CFAP69: variants seen among roughly 807,000 people sequenced by gnomAD.
CFAP69 encodes the protein cilia- and flagella-associated protein 69.
Under a neutral mutation model 123.0 loss-of-function variants are expected in CFAP69, and 92 were observed. The observed-to-expected ratio is 0.75, with a 90% CI of 0.63 to 0.89. The LOEUF (loss-of-function observed/expected upper bound fraction) is 0.89, where lower values mean the gene tolerates loss of function less well. Among genes scored for constraint, CFAP69 ranks in the 40% least tolerant of loss-of-function variants. The pLI is 0.00. For missense variants in CFAP69, 1,067 were observed against 1,096.9 expected (o/e 0.97, Z 0.39); for synonymous variants, 380 against 364.3 (o/e 1.04, Z -0.49).
At chr7:90,296,003 G>T (rs17869453) in intron 15 of CFAP69, among the ~76,000 whole-genome samples, 4 of 152,004 alleles carry the variant, frequency 2.6e-5, no homozygotes, top group Non-Finnish European at 4.4e-5. Context: ...TGTTTTATCC[G>T]CAAAGCCTTA....
the CFAP69 span, chr7:90,319,161 G>C: frequency 5.3e-6 from 2 of 377,996 alleles, no homozygotes; most frequent in Non-Finnish European, 9.4e-6. Flanking sequence ...ATTTAAAATT[G>C]TAAGTCAGAG....
At chr7:90,258,594 T>C (rs1797933196) in intron 3 of CFAP69, among the ~76,000 whole-genome samples, 1 of 152,112 alleles carries the variant, frequency 6.6e-6, no homozygotes, top group South Asian at 2.1e-4. Context: ...CTAGTATAAT[T>C]TTCTCATCTC....
chr7:90,323,236 G>C, the CFAP69 span, among the ~76,000 whole-genome samples: 65 of 152,256 alleles, frequency 4.3e-4, no homozygotes, highest in African/African-American at 1.5e-3. Flanking sequence ...GGGTCTACTT[G>C]CTACATTCAA....
chr7:90,262,572 T>A (rs764936070), intron 4 of CFAP69, among the ~76,000 whole-genome samples: 2 of 152,148 alleles, frequency 1.3e-5, no homozygotes, highest in South Asian at 4.1e-4. Context: ...TCTTATTCTT[T>A]CTACTGTTGG....
chr7:90,269,398 A>G (rs1799635295), intron 6 of CFAP69, among the ~76,000 whole-genome samples: 1 of 152,172 alleles, frequency 6.6e-6, no homozygotes, highest in African/African-American at 2.4e-5. Context: ...GAGAGTGTCC[A>G]TATTGAGGTT....
intron 15 of CFAP69, among the ~76,000 whole-genome samples, chr7:90,289,707 C>T (rs144463573): frequency 6.6e-6 from 1 of 152,128 alleles, no homozygotes; most frequent in Non-Finnish European, 1.5e-5. Flanking sequence ...ACCCCATAGT[C>T]ATGAAGATCA....
At chr7:90,291,912 G>A (rs1181542157) in intron 15 of CFAP69, among the ~76,000 whole-genome samples, 2 of 152,112 alleles carry the variant, frequency 1.3e-5, no homozygotes, top group African/African-American at 4.8e-5. Flanking sequence ...TGTTTCTTCT[G>A]AGCAGCAGTC....
the CFAP69 span, among the ~76,000 whole-genome samples, chr7:90,322,881 G>T: frequency 1.3e-5 from 2 of 152,004 alleles, no homozygotes; most frequent in East Asian, 3.9e-4. Flanking sequence ...AAAAATAAGG[G>T]TAATTGACAG....
downstream of CFAP69, among the ~76,000 whole-genome samples, chr7:90,314,180 G>A (rs174057): frequency 0.9 from 136,787 of 152,248 alleles, 61,735 homozygotes; most frequent in East Asian, 1. Flanking sequence ...ATGACAACTC[G>A]GTGTAACGTG....
chr7:90,317,874 A>G, the CFAP69 span: 1 of 152,182 alleles, frequency 6.6e-6, no homozygotes, highest in South Asian at 2.1e-4. Context: ...AGAATCTGTC[A>G]TTGTAAGGAT....
intron 12 of CFAP69, 38 bp downstream of exon 12, chr7:90,279,931 C>T (rs754826181): frequency 2.0e-6 from 3 of 1,466,574 alleles, no homozygotes; most frequent in Non-Finnish European, 2.7e-6. Flanking sequence ...AAATTCTAAT[C>T]TTCATATTTC....
chr7:90,269,722 G>A (rs919413043), intron 6 of CFAP69, among the ~76,000 whole-genome samples: 1 of 152,112 alleles, frequency 6.6e-6, no homozygotes, highest in African/African-American at 2.4e-5. Context: ...AGTAGTGGCA[G>A]TTCATGAATG....
At chr7:90,261,181 G>A (rs1038567111) in intron 3 of CFAP69, among the ~76,000 whole-genome samples, 3 of 151,630 alleles carry the variant, frequency 2.0e-5, no homozygotes, top group Non-Finnish European at 4.4e-5. Context: ...CCGGCTTCAA[G>A]CGATTCTCCT....
At chr7:90,313,105 C>T (rs115191505), downstream of CFAP69, among the ~76,000 whole-genome samples, 1,504 of 152,238 alleles carry the variant, frequency 9.9e-3, 24 homozygotes, top group African/African-American at 0.033. Context: ...TATTATCCAC[C>T]TTAAGTCTTT....
chr7:90,279,453 A>G (rs1012097647), intron 11 of CFAP69, among the ~76,000 whole-genome samples: 3 of 151,878 alleles, frequency 2.0e-5, no homozygotes, highest in Non-Finnish European at 4.4e-5. Context: ...ATTAATACAT[A>G]TTTTATATTA....
intron 16 of CFAP69, 102 bp from the exon 17 acceptor site, chr7:90,299,765 A>G: frequency 2.1e-6 from 2 of 968,742 alleles, no homozygotes; most frequent in Non-Finnish European, 3.0e-6. Context: ...TGAGTTTAGA[A>G]GAAACTTAAT....
At chr7:90,304,421 G>A (rs1323562804) in intron 18 of CFAP69, 13 of 1,179,444 alleles carry the variant, frequency 1.1e-5, no homozygotes, top group Non-Finnish European at 1.4e-5. Context: ...TTTTTTTTAA[G>A]TCTTTGCTGT....
chr7:90,314,064 A>G (rs148511256), downstream of CFAP69, among the ~76,000 whole-genome samples: 305 of 152,284 alleles, frequency 2.0e-3, 1 homozygote, highest in African/African-American at 6.9e-3. Flanking sequence ...AGGCAAACCC[A>G]AATTGAGGGG....
At chr7:90,266,080 A>C (rs1380403223) in intron 5 of CFAP69, 1 of 152,128 alleles carries the variant, frequency 6.6e-6, no homozygotes, top group Non-Finnish European at 1.5e-5. Context: ...AAAGATACAC[A>C]ATTGATCCAG....
Sources: allele counts gnomAD v4.1 joint callset (sites outside exome capture counted in the v4.1 genomes callset), GRCh38; gene constraint gnomAD v4.1.1; transcripts MANE v1.5; gene names NCBI Gene and HGNC (gene_info 2026-07-23, HGNC 2026-07-21).